Variants in MYBPC1 observed in about 807,000 individuals in gnomAD.
The protein encoded by MYBPC1 is myosin-binding protein C, slow-type.
MYBPC1 carries 52 observed loss-of-function variants against 147.1 expected under a neutral mutation model. The ratio of observed to expected loss-of-function variants is 0.35; its 90% CI spans 0.28 to 0.45. The LOEUF (loss-of-function observed/expected upper bound fraction) is 0.45, where lower values mean the gene tolerates loss of function less well. Among genes scored for constraint, MYBPC1 ranks in the 20% least tolerant of loss-of-function variants. The probability of loss-of-function intolerance (pLI) is 1.00; values close to 1 mark genes in which losing one functional copy is unlikely to be tolerated. For synonymous variants in MYBPC1, 477 were observed against 475.9 expected, an observed-to-expected ratio of 1.00 and a Z score of -0.03; for missense variants, 1,228 against 1,440.3, an observed-to-expected ratio of 0.85 and a Z score of 2.39.
intron 1 of MYBPC1, among the ~76,000 whole-genome samples, chr12:101,604,850 A>G (rs1377062596): frequency 6.6e-6 from 1 of 152,178 alleles, no homozygotes; most frequent in Non-Finnish European, 1.5e-5. Context: ...CCTTTATTAT[A>G]GACGCCATTC....
At chr12:101,650,011 T>C (rs1894080690) in intron 15 of MYBPC1, among the ~76,000 whole-genome samples, 1 of 152,214 alleles carries the variant, frequency 6.6e-6, no homozygotes, top group Non-Finnish European at 1.5e-5. Flanking sequence ...TACTTCCACA[T>C]TTATTGCTTA....
At chr12:101,663,742 A>G (rs1052816536) in intron 22 of MYBPC1, among the ~76,000 whole-genome samples, 182 bp downstream of exon 22, 4 of 152,252 alleles carry the variant, frequency 2.6e-5, no homozygotes, top group Admixed American at 1.3e-4. Context: ...GTGCTTATAA[A>G]TTGATATCTC....
At position 101,679,157 on chromosome 12, in the gene MYBPC1, A is replaced by AAG. The variant is rs1555255959; in HGVS notation, c.3246+920_3246+921insGA. ...GAAGAAGACTCCGTCTCAAAAAAAA[A>AAG]AAAAAAAGGAAAATCAAAGGAAGAA... On this transcript the variant is annotated intron_variant, in intron 28 of 31. Coordinates refer to ENST00000361466, the MANE Select transcript of MYBPC1 (RefSeq NM_002465.4). Among the ~76,000 whole-genome samples, 643 of 152,058 alleles carry AAG rather than the reference A, an allele frequency of 4.2e-3. 7 individuals are homozygous for AAG. Among genetic ancestry groups the AAG allele is most frequent in the Middle Eastern group, 0.038 (11 of 292 alleles).
At chr12:101,663,401 C>A (rs746610034) in intron 21 of MYBPC1, 25 bp from the exon 22 acceptor site, 1 of 1,604,376 alleles carries the variant, frequency 6.2e-7, no homozygotes, top group South Asian at 1.1e-5. Context: ...ATAGTTTATT[C>A]TTTTCTGTCT....
At position 101,596,222 on chromosome 12, in the gene MYBPC1, T is replaced by C. The variant is rs142291622; in HGVS notation, c.25+1127T>C. On this transcript the variant is annotated intron_variant, in intron 1 of 31. Transcript: ENST00000361466. ...TTTCTTTATATAATTAAGTAACCAG[T>C]GTTGACAGGCTGTGGTGATCAGTTT... Among the ~76,000 whole-genome samples, 786 of 152,310 alleles carry C rather than the reference T, an allele frequency of 5.2e-3. 6 individuals carry two copies. The highest frequency in any genetic ancestry group is 0.018 in the African/African-American group (755 of 41,582).
At chr12:101,643,995 C>G (rs1892582352) in intron 11 of MYBPC1, among the ~76,000 whole-genome samples, 1 of 152,160 alleles carries the variant, frequency 6.6e-6, no homozygotes, top group African/African-American at 2.4e-5. Context: ...GCCAATGACA[C>G]TAACAGTAAT....
chr12:101,626,894 T>G lies in MYBPC1; in HGVS notation c.126T>G (p.Pro42=). The G allele has an allele frequency of 6.2e-7, 1 of 1,612,754 alleles. No individual in the cohort carries two copies. ...CAGATGAAGAGGAAGTCTCCCCGCC[T>G]AGCGCCTTGCCTCCAGGTTGGGATA... is the stretch of plus-strand genomic sequence containing the variant. ...PAKDEEEVSP[P]SALPPGLGSR... The change falls in exon 4 of 32, where the codon CCT becomes CCG. Residue 42 remains proline, a synonymous_variant. Coordinates refer to ENST00000361466, the MANE Select transcript of MYBPC1 (RefSeq NM_002465.4).
intron 27 of MYBPC1, among the ~76,000 whole-genome samples, chr12:101,677,713 T>C (rs1263562133): frequency 6.6e-6 from 1 of 152,216 alleles, no homozygotes; most frequent in Non-Finnish European, 1.5e-5. Flanking sequence ...TGGACACCTT[T>C]ATTGTAGCTA....
chr12:101,595,919 TA>T (rs1173915899), intron 1 of MYBPC1, among the ~76,000 whole-genome samples: 2 of 152,084 alleles, frequency 1.3e-5, no homozygotes, highest in Non-Finnish European at 2.9e-5. Context: ...AAATAAATAA[TA>T]ATAAGCACAA....
chr12:101,595,822 CT>C (rs1425445265), intron 1 of MYBPC1, among the ~76,000 whole-genome samples: 1 of 151,972 alleles, frequency 6.6e-6, no homozygotes, highest in Non-Finnish European at 1.5e-5. Context: ...AATGTTTTCC[CT>C]AACAAAGTTT....
At chr12:101,687,743 CAAAT>C (rs1002333034), downstream of MYBPC1, among the ~76,000 whole-genome samples, 1 of 152,194 alleles carries the variant, frequency 6.6e-6, no homozygotes, top group African/African-American at 2.4e-5. Flanking sequence ...CTGCTTAACT[CAAAT>C]ACTCTGAGCA....
At chr12:101,680,816 A>G (rs920786723) in intron 29 of MYBPC1, among the ~76,000 whole-genome samples, 5 of 152,156 alleles carry the variant, frequency 3.3e-5, no homozygotes, top group African/African-American at 1.2e-4. Flanking sequence ...GTGGAATGTT[A>G]GTGTGTGTAC....
chr12:101,599,573 G>T (rs1298306323), intron 1 of MYBPC1, among the ~76,000 whole-genome samples: 1 of 152,100 alleles, frequency 6.6e-6, no homozygotes, highest in Non-Finnish European at 1.5e-5. Context: ...AGAGTGAATG[G>T]CCTATTTCAA....
At chr12:101,616,386 T>C (rs550399883) in intron 2 of MYBPC1, among the ~76,000 whole-genome samples, 6 of 152,208 alleles carry the variant, frequency 3.9e-5, no homozygotes, top group Non-Finnish European at 7.3e-5. Context: ...TGAGCCACTA[T>C]CGTTTCCTTT....
intron 1 of MYBPC1, among the ~76,000 whole-genome samples, chr12:101,599,706 GAT>G (rs1388912175): frequency 2.6e-5 from 4 of 152,132 alleles, no homozygotes; most frequent in Admixed American, 2.0e-4. Flanking sequence ...GAGGAGGAAA[GAT>G]AGTTTATCAA....
chr12:101,624,107 C>A (rs1040104627), intron 3 of MYBPC1, among the ~76,000 whole-genome samples: 1 of 152,052 alleles, frequency 6.6e-6, no homozygotes, highest in Non-Finnish European at 1.5e-5. Context: ...CAATAAAATA[C>A]AAGCATTTAA....
chr12:101,690,090 A>G (rs962371159), downstream of MYBPC1, among the ~76,000 whole-genome samples: 4 of 152,040 alleles, frequency 2.6e-5, 1 homozygote, highest in Non-Finnish European at 5.9e-5. Context: ...CAGAAGAATC[A>G]CTTGAACCCG....
At chr12:101,596,141 A>G (rs1877151469) in intron 1 of MYBPC1, among the ~76,000 whole-genome samples, 1 of 152,204 alleles carries the variant, frequency 6.6e-6, no homozygotes, top group African/African-American at 2.4e-5. Flanking sequence ...ATTTTAAGGA[A>G]CCTTGAAAAA....
chr12:101,617,142 T>C, intron 2 of MYBPC1, 60 bp from the exon 3 acceptor site: 10 of 1,548,418 alleles, frequency 6.5e-6, no homozygotes, highest in Non-Finnish European at 8.9e-6. Flanking sequence ...ACCCCGTTGC[T>C]CATCACACAA....
Sources: gnomAD v4.1 joint callset for allele counts (sites outside exome capture counted in the v4.1 genomes callset) on GRCh38, gnomAD v4.1.1 for gene constraint, MANE v1.5 for transcripts, NCBI Gene and HGNC (gene_info 2026-07-23, HGNC 2026-07-21) for gene names.